Variants in NEU4 observed in about 807,000 individuals in gnomAD.
The protein encoded by NEU4 is sialidase-4.
A neutral mutation model predicts 9.9 loss-of-function variants in NEU4; 7 were observed. That is an observed-to-expected ratio of 0.71 (90% CI 0.40 to 1.33). The LOEUF (loss-of-function observed/expected upper bound fraction) is 1.33. Among genes scored for constraint, NEU4 ranks in the 40% most tolerant of loss-of-function variants. NEU4 has a pLI of 0.01. For synonymous variants in NEU4, 348 were observed against 316.9 expected (o/e 1.10, Z -1.04); for missense variants, 717 against 712.6 (o/e 1.01, Z -0.07).
At position 241,812,525 on chromosome 2, in the gene NEU4, C is replaced by CCGAG. The variant is rs1252559031; in HGVS notation, c.-3-1957_-3-1956insCGAG. On this transcript the variant is annotated intron_variant, in intron 1 of 3. Transcript: ENST00000407683. Reference sequence around the variant, plus strand: ...GCTCTGTGGAACCCAGGGAACTGGTCACACTGAGGACACGGAGGCTCTGTG... The same window carrying CCGAG: ...GCTCTGTGGAACCCAGGGAACTGGTCCGAGACACTGAGGACACGGAGGCTCTGTG... Among the ~76,000 whole-genome samples the CCGAG allele has an allele frequency of 5.5e-3, 358 of 65,496 alleles. 3 individuals are homozygous for CCGAG. Among genetic ancestry groups the CCGAG allele is most frequent in the Middle Eastern group, 0.022 (2 of 92 alleles). 43.0% of individuals were successfully genotyped at this position (65,496 alleles called of 152,430 possible). A position where few individuals can be genotyped will look rare whatever the true frequency, so the allele number is the denominator to read the frequency against.
At chr2:241,811,396 G>A (rs1467141747) in intron 1 of NEU4, 4 of 1,527,520 alleles carry the variant, frequency 2.6e-6, no homozygotes, top group Non-Finnish European at 3.5e-6. Flanking sequence ...GTGGGCCCTT[G>A]TCTCTGCTCT....
chr2:241,814,935 A>C lies in NEU4; in HGVS notation c.245A>C (p.His82Pro). The change falls in exon 3 of 4, where the codon CAC (histidine) becomes CCC (proline). Residue 82 changes from histidine (H) to proline (P), a missense_variant. Coordinates refer to ENST00000407683, the MANE Select transcript of NEU4 (RefSeq NM_001167600.3). Reference sequence around the variant, plus strand: ...CTGGGGACAGCAGCCCTGGCGGAGCACCGGTCCATGAACCCCTGCCCTGTG... The same window carrying C: ...CTGGGGACAGCAGCCCTGGCGGAGCCCCGGTCCATGAACCCCTGCCCTGTG... ...HVLGTAALAE[H>P]RSMNPCPVHD... 1 of 1,612,136 alleles carries C rather than the reference A, an allele frequency of 6.2e-7. No homozygotes were observed. Among genetic ancestry groups the C allele is most frequent in the Non-Finnish European group, 8.5e-7 (1 of 1,179,758 alleles).
intron 1 of NEU4, chr2:241,811,699 C>T (rs1053114310): frequency 1.8e-5 from 7 of 398,218 alleles, no homozygotes; most frequent in Non-Finnish European, 3.1e-5. Flanking sequence ...CAATGGGACA[C>T]TTACCTGGCC....
Position 241,814,592 on chromosome 2 carries a change from G to C in NEU4, c.108G>C (p.Leu36=). Residue 36 remains leucine, a synonymous_variant, in exon 2 of 4, where the codon CTG becomes CTC. Transcript: ENST00000407683. The part of the protein sequence containing the change: ...SLLPVPPGPT[L]LAFVEQRLSP... ...TCCCCGTGCCCCCCGGGCCCACCCTGCTGGCCTTTGTGGAGCAGCGGCTCA... is the reference window on the plus strand; with the variant it reads ...TCCCCGTGCCCCCCGGGCCCACCCTCCTGGCCTTTGTGGAGCAGCGGCTCA... 1 of 1,611,802 alleles carries C rather than the reference G, an allele frequency of 6.2e-7. No homozygotes were observed. Among genetic ancestry groups the C allele is most frequent in the Non-Finnish European group, 8.5e-7 (1 of 1,179,582 alleles).
intron 1 of NEU4, chr2:241,811,041 G>T: frequency 1.8e-6 from 2 of 1,087,530 alleles, no homozygotes; most frequent in Non-Finnish European, 2.2e-6. Context: ...CACCCGGGAA[G>T]CCCAGAGGAG....
intron 2 of NEU4, 98 bp downstream of exon 2, chr2:241,814,783 G>A: frequency 1.3e-6 from 2 of 1,524,472 alleles, no homozygotes; most frequent in Admixed American, 1.9e-5. Flanking sequence ...GCAGGCAGAT[G>A]CCCGAGGTAG....
intron 1 of NEU4, 22 bp from the exon 2 acceptor site, chr2:241,814,460 G>C: frequency 6.2e-7 from 1 of 1,602,016 alleles, no homozygotes. Flanking sequence ...TTGCTGACCT[G>C]TGGCCCTGTA....
In NEU4 at chr2:241,815,634, C is replaced by A. The variant is rs77278394; in HGVS notation, c.458-417C>A. The A allele has an allele frequency of 1.3e-3, 679 of 514,982 alleles. 5 individuals are homozygous for A. The highest frequency in any genetic ancestry group is 0.012 in the African/African-American group (626 of 52,216). The allele number at this position is 514,982 out of a possible 1,614,324, so 31.9% of individuals were successfully genotyped here. A position where few individuals can be genotyped will look rare whatever the true frequency, so the allele number is the denominator to read the frequency against. On this transcript the variant is annotated intron_variant, in intron 3 of 3. Transcript: ENST00000407683. ...TCTTATTCTTTACTCCCTTCTCACCCTGCCCAGGGCCTGGCCAGGCCTCAC... is the reference window on the plus strand; with the variant it reads ...TCTTATTCTTTACTCCCTTCTCACCATGCCCAGGGCCTGGCCAGGCCTCAC...
chr2:241,813,131 T>G (rs563780867), intron 1 of NEU4, among the ~76,000 whole-genome samples: 21 of 152,110 alleles, frequency 1.4e-4, no homozygotes, highest in African/African-American at 5.1e-4. Flanking sequence ...TGGCTGGAGG[T>G]GGAGCTGTCT....
Position 241,816,074 on chromosome 2 carries a change from C to A in NEU4, c.481C>A (p.Pro161Thr), listed in dbSNP as rs765555654. 6.2e-7 allele frequency: 1 copy of A among 1,607,948 alleles called. No individual in the cohort carries two copies. The change falls in exon 4 of 4, where the codon CCC becomes ACC. Residue 161 changes from proline (P) to threonine (T), a missense_variant. Pro to Thr is a conservative substitution (Grantham distance 38). Coordinates refer to ENST00000407683, the MANE Select transcript of NEU4 (RefSeq NM_001167600.3). ...VQDWATFAVG[P>T]GHGVQLPSGR... ...AGACTGGGCCACATTCGCTGTGGGTCCCGGCCACGGTGTGCAGCTGCCCTC... is the reference window on the plus strand; with the variant it reads ...AGACTGGGCCACATTCGCTGTGGGTACCGGCCACGGTGTGCAGCTGCCCTC...
chr2:241,812,560 G>GAA (rs11272205), intron 1 of NEU4, among the ~76,000 whole-genome samples: 23 of 80,020 alleles, frequency 2.9e-4, no homozygotes, highest in Non-Finnish European at 4.5e-4. Context: ...GGAACCCAGG[G>GAA]CCTGGCCACA....
chr2:241,813,235 C>G (rs956108042), intron 1 of NEU4: 8 of 755,532 alleles, frequency 1.1e-5, no homozygotes, highest in Non-Finnish European at 6.5e-6. Flanking sequence ...CCGCCTGACC[C>G]GTGGGTGTGC....
chr2:241,812,662 G>A (rs1378868293), intron 1 of NEU4, among the ~76,000 whole-genome samples: 1 of 133,024 alleles, frequency 7.5e-6, no homozygotes, highest in African/African-American at 2.7e-5. Flanking sequence ...AGGACACGGA[G>A]GCTCTGTGGA....
intron 1 of NEU4, chr2:241,811,526 C>A: frequency 7.3e-7 from 1 of 1,374,078 alleles, no homozygotes; most frequent in Admixed American, 2.5e-5. Flanking sequence ...GGGGTCAGGA[C>A]CCGCTCCTGA....
At position 241,815,103 on chromosome 2, in the gene NEU4, G is replaced by A. The variant is rs1159588612; in HGVS notation, c.413G>A (p.Ser138Asn). The change falls in exon 3 of 4, where the codon AGC becomes AAC. Residue 138 changes from serine to asparagine, a missense_variant. Physicochemically the swap from Ser to Asn is conservative, Grantham distance 46. Coordinates refer to ENST00000407683, the MANE Select transcript of NEU4 (RefSeq NM_001167600.3). ...ASRDAGLSWG[S>N]ARDLTEEAIG... ...CGTGACGCCGGCCTCTCGTGGGGCA[G>A]CGCCCGGGACCTCACCGAGGAGGCC... is the stretch of plus-strand genomic sequence containing the variant. 6.3e-7 allele frequency: 1 copy of A among 1,578,856 alleles called. No individual in the cohort carries two copies. The highest frequency in any genetic ancestry group is 1.3e-5 in the African/African-American group (1 of 74,586).
chr2:241,817,330 A>G lies in NEU4; in HGVS notation c.*282A>G, dbSNP rs1207369708. 1.7e-5 allele frequency: 8 copies of G among 457,772 alleles called. No individual in the cohort carries two copies. The highest frequency in any genetic ancestry group is 2.3e-5 in the Non-Finnish European group (6 of 262,910). The allele number at this position is 457,772 out of a possible 1,614,324, so 28.4% of individuals were successfully genotyped here. On this transcript the variant is annotated 3_prime_UTR_variant, in exon 4 of 4. Coordinates refer to ENST00000407683, the MANE Select transcript of NEU4 (RefSeq NM_001167600.3). Reference sequence around the variant, plus strand: ...GCTGCAGGGCCAGGCGCGGGACCGCAGGTAGCCCAGGGTGTTGTGGGTGGC... The same window carrying G: ...GCTGCAGGGCCAGGCGCGGGACCGCGGGTAGCCCAGGGTGTTGTGGGTGGC...
intron 3 of NEU4, chr2:241,815,402 C>CCCAG (rs1700290710): frequency 1.8e-6 from 1 of 562,672 alleles, no homozygotes; most frequent in African/African-American, 2.0e-5. Flanking sequence ...AGGCAAATCC[C>CCCAG]TCTCCCCAGG....
rs1393822456 is a variant in NEU4, at chr2:241,816,833, G to A, written c.1240G>A (p.Glu414Lys). 10 of 1,610,624 alleles carry A rather than the reference G, an allele frequency of 6.2e-6. No individual in the cohort carries two copies. The highest frequency in any genetic ancestry group is 2.2e-5 in the East Asian group (1 of 44,814). ...RSWTEPWVIY[E>K]GPSGYSDLAS... ...CTGGACAGAGCCCTGGGTGATCTAC[G>A]AGGGCCCCAGCGGCTACTCCGACCT... Residue 414 changes from glutamate to lysine, a missense_variant, in exon 4 of 4, where the codon GAG becomes AAG. Physicochemically the swap from Glu to Lys is moderately conservative, Grantham distance 56. Transcript: ENST00000407683.
rs145085465 is a variant in NEU4, at chr2:241,815,141, G to A, written c.451G>A (p.Val151Met). The part of the protein sequence containing the change: ...DLTEEAIGGA[V>M]QDWATFAVGP... The stretch of plus-strand genomic sequence containing the variant: ...CACCGAGGAGGCCATCGGTGGTGCC[G>A]TGCAGGGTAGGCGGGCAGGGTGCCG... Residue 151 changes from valine (V) to methionine (M), a missense_variant, in exon 3 of 4, where the codon GTG (valine) becomes ATG (methionine). Transcript: ENST00000407683. The A allele has an allele frequency of 1.3e-4, 208 of 1,555,316 alleles. No individual in the cohort carries two copies. In the African/African-American group the frequency reaches 1.4e-3, roughly 10 times the overall value.
Sources: gnomAD v4.1 joint callset for allele counts (sites outside exome capture counted in the v4.1 genomes callset) on GRCh38, gnomAD v4.1.1 for gene constraint, MANE v1.5 for transcripts, NCBI Gene and HGNC (gene_info 2026-07-23, HGNC 2026-07-21) for gene names.